Variants in HS2ST1 observed in about 807,000 individuals in gnomAD.
The protein encoded by HS2ST1 is 2-O-sulfotransferase.
In HS2ST1, 18 loss-of-function variants were observed where a neutral mutation model predicts 42.9. That is an observed-to-expected ratio of 0.42 (90% confidence interval 0.29 to 0.62). The LOEUF is 0.62. HS2ST1 is among the 20% of genes least tolerant of loss of function. HS2ST1 has a pLI of 0.21. For synonymous variants in HS2ST1, 146 were observed against 152.9 expected (o/e 0.95, Z 0.33); for missense variants, 334 against 433.8 (o/e 0.77, Z 2.04).
chr1:87,038,844 A>AG (rs1376677766), intron 1 of HS2ST1, among the ~76,000 whole-genome samples: 1 of 152,164 alleles, frequency 6.6e-6, no homozygotes, highest in Non-Finnish European at 1.5e-5. Context: ...TAAAAAAAAA[A>AG]TGGATTCTGA....
At chr1:86,924,142 G>A (rs1218966181) in intron 1 of HS2ST1, among the ~76,000 whole-genome samples, 1 of 152,216 alleles carries the variant, frequency 6.6e-6, no homozygotes, top group Non-Finnish European at 1.5e-5. Context: ...CTGAAATCCA[G>A]CGGGGCAGTG....
chr1:86,959,843 A>C (rs545918079), intron 1 of HS2ST1, among the ~76,000 whole-genome samples: 5 of 152,372 alleles, frequency 3.3e-5, no homozygotes, highest in Middle Eastern at 6.8e-3. Context: ...GGCAGACTCA[A>C]TATTGTTAAG....
intron 1 of HS2ST1, among the ~76,000 whole-genome samples, chr1:86,966,753 T>A (rs968771460): frequency 2.6e-5 from 4 of 152,234 alleles, no homozygotes; most frequent in African/African-American, 9.6e-5. Flanking sequence ...ATTTATCATC[T>A]TTTTAATAAT....
intron 1 of HS2ST1, among the ~76,000 whole-genome samples, chr1:86,966,460 GTTCT>G (rs895671173): frequency 2.6e-5 from 4 of 152,166 alleles, no homozygotes; most frequent in Admixed American, 6.5e-5. Context: ...TTTATGGAAT[GTTCT>G]TTCTAAGTTT....
At chr1:87,015,597 G>A (rs1649733220) in intron 1 of HS2ST1, among the ~76,000 whole-genome samples, 2 of 152,074 alleles carry the variant, frequency 1.3e-5, no homozygotes, top group South Asian at 4.1e-4. Flanking sequence ...GCCCGCCTCA[G>A]CCTCCCAAAG....
At position 86,950,432 on chromosome 1, in the gene HS2ST1, C is replaced by T. The variant is rs1013456102; in HGVS notation, c.124+35272C>T. Among the ~76,000 whole-genome samples, 10 of 152,256 alleles carry T rather than the reference C, an allele frequency of 6.6e-5. No homozygotes were observed. The South Asian group carries it at 8.3e-4, about 13-fold the overall frequency. ...GTTAAAGGCGAGACATGGAAATTAA[C>T]TGTGTTGTGCAGTGGATCCTGCATT... is the stretch of plus-strand genomic sequence containing the variant. On this transcript the variant is annotated intron_variant, in intron 1 of 6. Coordinates refer to ENST00000370550, the MANE Select transcript of HS2ST1 (RefSeq NM_012262.4).
intron 1 of HS2ST1, among the ~76,000 whole-genome samples, chr1:87,051,890 A>G (rs1650843221): frequency 1.3e-5 from 2 of 152,202 alleles, no homozygotes; most frequent in Non-Finnish European, 2.9e-5. Flanking sequence ...ATTTTTAAAG[A>G]TTCATGAAAA....
chr1:86,918,555 C>CA (rs1488480165), intron 1 of HS2ST1, among the ~76,000 whole-genome samples: 5 of 151,914 alleles, frequency 3.3e-5, no homozygotes, highest in Non-Finnish European at 7.4e-5. Context: ...TTATAGGAAA[C>CA]ATCCTTATGT....
At chr1:87,004,936 A>G (rs934642035) in intron 1 of HS2ST1, among the ~76,000 whole-genome samples, 3 of 152,228 alleles carry the variant, frequency 2.0e-5, no homozygotes, top group African/African-American at 4.8e-5. Flanking sequence ...TAATTAGGTC[A>G]TCCTTGGAAA....
intron 1 of HS2ST1, among the ~76,000 whole-genome samples, chr1:86,948,589 C>T (rs1473083402): frequency 6.6e-6 from 1 of 152,172 alleles, no homozygotes; most frequent in Admixed American, 6.5e-5. Context: ...AAATTGATCA[C>T]TTCTTCCAGT....
rs367757359 is a variant in HS2ST1 at position 86,954,040 on chromosome 1, TAAAAAAAAAA to T, written c.124+38900_124+38909del. Among the ~76,000 whole-genome samples the T allele has an allele frequency of 2.5e-4, 17 of 67,356 alleles. No individual in the cohort carries two copies. The East Asian group carries it at 5.0e-3, about 20-fold the overall frequency. 44.2% of individuals were successfully genotyped at this position (67,356 alleles called of 152,430 possible). On this transcript the variant is annotated intron_variant, in intron 1 of 6. Transcript: ENST00000370550. ...TAATAACAAACATCACTGTTTTTTT[TAAAAAAAAAA>T]AAAAAAAAAAAAAAAAAAAGGCCGG...
chr1:87,056,636 A>G (rs1176281658), intron 1 of HS2ST1, among the ~76,000 whole-genome samples: 1 of 152,222 alleles, frequency 6.6e-6, no homozygotes, highest in Non-Finnish European at 1.5e-5. Flanking sequence ...GCCGCTATGA[A>G]CATAACAGTT....
intron 1 of HS2ST1, among the ~76,000 whole-genome samples, chr1:87,018,777 C>T (rs1233632292): frequency 1.3e-5 from 2 of 152,102 alleles, no homozygotes; most frequent in Non-Finnish European, 2.9e-5. Flanking sequence ...GTGGTGGTTG[C>T]GCCTTATCAT....
chr1:87,064,486 G>A (rs1162462041), intron 1 of HS2ST1: 1 of 518,344 alleles, frequency 1.9e-6, no homozygotes, highest in Non-Finnish European at 3.9e-6. Flanking sequence ...CTTTTTTATA[G>A]GATGATTCAT....
chr1:87,047,368 AT>A (rs869196086), intron 1 of HS2ST1, among the ~76,000 whole-genome samples: 1 of 19,634 alleles, frequency 5.1e-5, no homozygotes, highest in East Asian at 0.012. Flanking sequence ...CATTTCACAA[AT>A]TTTTTTCCTT....
intron 3 of HS2ST1, among the ~76,000 whole-genome samples, chr1:87,090,035 T>A (rs1411178736): frequency 6.6e-6 from 1 of 152,004 alleles, no homozygotes; most frequent in Non-Finnish European, 1.5e-5. Context: ...GTCTTAAGAA[T>A]GGAATCACTA....
intron 1 of HS2ST1, among the ~76,000 whole-genome samples, chr1:86,972,553 A>G (rs1648263543): frequency 6.6e-6 from 1 of 152,130 alleles, no homozygotes; most frequent in African/African-American, 2.4e-5. Context: ...ATTGTGCCTA[A>G]TTTGTAAATT....
At chr1:87,053,461 A>G (rs1364751231) in intron 1 of HS2ST1, among the ~76,000 whole-genome samples, 1 of 152,172 alleles carries the variant, frequency 6.6e-6, no homozygotes, top group Non-Finnish European at 1.5e-5. Context: ...TTATTTTTCC[A>G]CCAGTATGTG....
chr1:86,981,599 G>C (rs1266227581), intron 1 of HS2ST1, among the ~76,000 whole-genome samples: 1 of 152,202 alleles, frequency 6.6e-6, no homozygotes, highest in Non-Finnish European at 1.5e-5. Flanking sequence ...AACCCGGCCA[G>C]GCAGTCATTA....
Sources: allele counts gnomAD v4.1 joint callset (sites outside exome capture counted in the v4.1 genomes callset), GRCh38; gene constraint gnomAD v4.1.1; transcripts MANE v1.5; gene names NCBI Gene and HGNC (gene_info 2026-07-23, HGNC 2026-07-21).